CDH13: variants seen among roughly 807,000 people sequenced by gnomAD.
CDH13 encodes the protein cadherin 13.
A neutral mutation model predicts 63.8 loss-of-function variants in CDH13; 24 were observed. The observed-to-expected ratio is 0.38, with a 90% CI of 0.27 to 0.53. The LOEUF is 0.53. Among genes scored for constraint, CDH13 ranks in the 20% least tolerant of loss-of-function variants. The pLI is 0.85. For missense variants in CDH13, 1,049 were observed against 903.1 expected (o/e 1.16, Z -2.07); for synonymous variants, 503 against 355.3 (o/e 1.42, Z -4.67).
chr16:83,456,165 C>T (rs912604235), intron 6 of CDH13, among the ~76,000 whole-genome samples: 2 of 152,228 alleles, frequency 1.3e-5, no homozygotes, highest in African/African-American at 2.4e-5. Flanking sequence ...ACGAGCCTCC[C>T]ACTGTTGATA....
chr16:83,456,169 G>C (rs187935038), intron 6 of CDH13, among the ~76,000 whole-genome samples: 9 of 152,370 alleles, frequency 5.9e-5, no homozygotes, highest in Non-Finnish European at 8.8e-5. Context: ...GCCTCCCACT[G>C]TTGATAGAAC....
chr16:83,376,204 A>G (rs2091456906), intron 6 of CDH13, among the ~76,000 whole-genome samples: 1 of 152,180 alleles, frequency 6.6e-6, no homozygotes, highest in South Asian at 2.1e-4. Context: ...TATTGTTCCC[A>G]TGTAACTCCC....
intron 10 of CDH13, among the ~76,000 whole-genome samples, chr16:83,689,734 G>T (rs1904657281): frequency 6.6e-6 from 1 of 152,122 alleles, no homozygotes; most frequent in Non-Finnish European, 1.5e-5. Flanking sequence ...AGTATTCTTG[G>T]GTCCCTGAGT....
chr16:83,319,075 G>A (rs2090166692), intron 5 of CDH13, among the ~76,000 whole-genome samples: 2 of 151,720 alleles, frequency 1.3e-5, no homozygotes, highest in South Asian at 2.1e-4. Flanking sequence ...ACCTGCAAGT[G>A]AAGCTTAGGC....
chr16:83,186,250 C>A (rs1597483964), intron 4 of CDH13, among the ~76,000 whole-genome samples: 2 of 151,722 alleles, frequency 1.3e-5, no homozygotes, highest in African/African-American at 4.8e-5. Context: ...GCAATTCTCC[C>A]GACTCAGCCT....
rs139741452 is a variant in CDH13, at chr16:83,037,486, A to G, written c.366+5268A>G. Among the ~76,000 whole-genome samples the G allele has an allele frequency of 1.3e-4, 20 of 152,346 alleles. No individual in the cohort carries two copies. In the East Asian group the frequency reaches 3.9e-3, roughly 29 times the overall value. ...GGAGCAATGGAGGGAAACCAGAAGC[A>G]AGATTTGCCAGAAAGGAAGAAAGAG... On this transcript the variant is annotated intron_variant, in intron 3 of 13. Coordinates refer to ENST00000567109, the MANE Select transcript of CDH13 (RefSeq NM_001257.5).
intron 1 of CDH13, among the ~76,000 whole-genome samples, chr16:82,818,965 A>G (rs2037864564): frequency 6.6e-6 from 1 of 152,220 alleles, no homozygotes; most frequent in Admixed American, 6.5e-5. Flanking sequence ...AGGATCAGTA[A>G]TCATAAACTG....
Position 83,139,989 on chromosome 16 carries a change from CA to C in CDH13, c.483+14492del, listed in dbSNP as rs1330192009. 1.2e-4 allele frequency among the ~76,000 whole-genome samples: 19 copies of C among 152,264 alleles called. No individual in the cohort carries two copies. In the East Asian group the frequency reaches 1.7e-3, roughly 14 times the overall value. ...TACACTCCAGCCTGGGCAACAAGAG[CA>C]AAACTCCATCTATAAATAAATAAAT... On this transcript the variant is annotated intron_variant, in intron 4 of 13. Coordinates refer to ENST00000567109, the MANE Select transcript of CDH13 (RefSeq NM_001257.5).
chr16:83,381,878 A>G (rs1481875327), intron 6 of CDH13, among the ~76,000 whole-genome samples: 2 of 152,204 alleles, frequency 1.3e-5, no homozygotes, highest in Non-Finnish European at 2.9e-5. Flanking sequence ...CACAAGTATA[A>G]AATCATATGG....
intron 1 of CDH13, among the ~76,000 whole-genome samples, chr16:82,706,442 G>C (rs578008776): frequency 1.3e-5 from 2 of 152,180 alleles, no homozygotes; most frequent in African/African-American, 2.4e-5. Context: ...CCAGGGCAGA[G>C]TAGAAGGCCG....
At chr16:83,314,567 T>C (rs112836097) in intron 5 of CDH13, among the ~76,000 whole-genome samples, 2 of 151,632 alleles carry the variant, frequency 1.3e-5, no homozygotes, top group East Asian at 3.9e-4. Context: ...TAAAAAAAAA[T>C]ACGGTATTTT....
At chr16:82,763,066 T>C (rs1399761291) in intron 1 of CDH13, among the ~76,000 whole-genome samples, 1 of 152,118 alleles carries the variant, frequency 6.6e-6, no homozygotes, top group Non-Finnish European at 1.5e-5. Context: ...AGCATGTGAG[T>C]ATGGACCTTG....
chr16:83,475,061 C>G, intron 6 of CDH13, among the ~76,000 whole-genome samples: 1 of 152,354 alleles, frequency 6.6e-6, no homozygotes, highest in Non-Finnish European at 1.5e-5. Context: ...CTCTTGACCA[C>G]GACTGGCTGC....
intron 5 of CDH13, among the ~76,000 whole-genome samples, chr16:83,334,167 C>T (rs1366059512): frequency 1.3e-5 from 2 of 152,058 alleles, no homozygotes; most frequent in East Asian, 3.9e-4. Flanking sequence ...CTGACCTTCG[C>T]TTCTTCCTCC....
chr16:83,315,093 G>A (rs746199944), intron 5 of CDH13, among the ~76,000 whole-genome samples: 1 of 152,210 alleles, frequency 6.6e-6, no homozygotes, highest in Non-Finnish European at 1.5e-5. Flanking sequence ...GAATAACAGA[G>A]TTACAGAATG....
At chr16:83,670,193 G>C (rs1181610449) in intron 8 of CDH13, among the ~76,000 whole-genome samples, 1 of 152,206 alleles carries the variant, frequency 6.6e-6, no homozygotes, top group Non-Finnish European at 1.5e-5. Flanking sequence ...GAAAATAGCA[G>C]TATCTAGCAG....
intron 2 of CDH13, among the ~76,000 whole-genome samples, chr16:83,030,211 C>A (rs1388149793): frequency 6.6e-6 from 1 of 152,162 alleles, no homozygotes; most frequent in Non-Finnish European, 1.5e-5. Flanking sequence ...ATATCAGCAC[C>A]ACTGCCTTCA....
intron 7 of CDH13, among the ~76,000 whole-genome samples, chr16:83,532,134 C>T (rs986840325): frequency 6.6e-6 from 1 of 152,098 alleles, no homozygotes; most frequent in African/African-American, 2.4e-5. Context: ...TGAGATGTGC[C>T]TTTCACCTGC....
chr16:83,545,895 T>C (rs2075378230), intron 7 of CDH13, among the ~76,000 whole-genome samples: 1 of 152,196 alleles, frequency 6.6e-6, no homozygotes, highest in Non-Finnish European at 1.5e-5. Flanking sequence ...CATTCATTCA[T>C]TCATTCAATG....
Sources: allele counts gnomAD v4.1 joint callset (sites outside exome capture counted in the v4.1 genomes callset), GRCh38; gene constraint gnomAD v4.1.1; transcripts MANE v1.5; gene names NCBI Gene and HGNC (gene_info 2026-07-23, HGNC 2026-07-21).